SYNJ1: variants seen among roughly 807,000 people sequenced by gnomAD.
SYNJ1 encodes the protein polyphosphatidylinositol phosphatase SYNJ1.
In SYNJ1, 78 loss-of-function variants were observed where a neutral mutation model predicts 168.2. The observed-to-expected ratio is 0.46, with a 90% CI of 0.39 to 0.56. The LOEUF is 0.56. Among genes scored for constraint, SYNJ1 ranks in the 20% least tolerant of loss-of-function variants. The pLI, the probability that SYNJ1 is intolerant of heterozygous loss-of-function variation, is 0.00. For missense variants in SYNJ1, 1,303 were observed against 1,597.6 expected (o/e 0.82, Z 3.14); for synonymous variants, 539 against 548.6 (o/e 0.98, Z 0.24).
At chr21:32,710,156 C>T (rs544391483) in intron 2 of SYNJ1, among the ~76,000 whole-genome samples, 2 of 152,012 alleles carry the variant, frequency 1.3e-5, no homozygotes, top group African/African-American at 4.8e-5. Flanking sequence ...GCCGAGATTA[C>T]ATCATTGTAC....
chr21:32,654,866 C>T (rs1447228030), intron 21 of SYNJ1, among the ~76,000 whole-genome samples: 1 of 152,178 alleles, frequency 6.6e-6, no homozygotes, highest in Non-Finnish European at 1.5e-5. Flanking sequence ...ACAGGGTTTA[C>T]TCACTCCTTA....
At chr21:32,715,260 G>A (rs2042980162) in intron 2 of SYNJ1, among the ~76,000 whole-genome samples, 1 of 152,170 alleles carries the variant, frequency 6.6e-6, no homozygotes, top group Admixed American at 6.6e-5. Context: ...ATCACTTGAT[G>A]TCAGGAGTTC....
In SYNJ1 at chr21:32,684,088, A is replaced by G. The variant is rs1382405019; in HGVS notation, c.1150T>C (p.Leu384=). ...CQSGTVRTNC[L]DCLDRTNSVQ... ...CTATTTGTTCTATCAAGACAATCCA[A>G]GCAGTTTGTTCGAACTGTACCACTC... Residue 384 remains leucine, a synonymous_variant, in exon 10 of 33, where the codon TTG becomes CTG. Coordinates refer to ENST00000674351, the MANE Select transcript of SYNJ1 (RefSeq NM_203446.3). 1 of 1,613,722 alleles carries G rather than the reference A, an allele frequency of 6.2e-7. No individual in the cohort carries two copies. The highest frequency in any genetic ancestry group is 8.5e-7 in the Non-Finnish European group (1 of 1,179,762).
intron 31 of SYNJ1, among the ~76,000 whole-genome samples, chr21:32,637,572 G>A (rs2039633785): frequency 6.6e-6 from 1 of 151,744 alleles, no homozygotes; most frequent in Non-Finnish European, 1.5e-5. Flanking sequence ...CCATGCCTGG[G>A]TAATTTTTGT....
chr21:32,688,831 C>T (rs1433686231), intron 6 of SYNJ1, among the ~76,000 whole-genome samples: 1 of 152,122 alleles, frequency 6.6e-6, no homozygotes, highest in African/African-American at 2.4e-5. Flanking sequence ...ACCTAAATTC[C>T]TACTCCTCCA....
At chr21:32,652,025 T>C (rs1013959670) in intron 22 of SYNJ1, among the ~76,000 whole-genome samples, 1 of 152,230 alleles carries the variant, frequency 6.6e-6, no homozygotes. Context: ...CATATGTATA[T>C]GCTAATATTA....
intron 26 of SYNJ1, among the ~76,000 whole-genome samples, chr21:32,644,467 T>C (rs34565595): frequency 4.7e-4 from 71 of 152,242 alleles, no homozygotes; most frequent in Non-Finnish European, 2.8e-4. Context: ...TCATCTTTTC[T>C]TGAGATTTAG....
At chr21:32,647,994 G>T (rs981420736) in intron 23 of SYNJ1, among the ~76,000 whole-genome samples, 13 of 152,148 alleles carry the variant, frequency 8.5e-5, no homozygotes, top group African/African-American at 3.1e-4. Flanking sequence ...ACTTCACAGA[G>T]AAGAGGGAAG....
chr21:32,680,147 TAAG>T lies in SYNJ1; in HGVS notation c.1353+1346_1354-1347del, dbSNP rs377525628. Among the ~76,000 whole-genome samples the T allele has an allele frequency of 1.6e-4, 25 of 152,266 alleles. No individual in the cohort carries two copies. In the East Asian group the frequency reaches 3.7e-3, roughly 22 times the overall value. On this transcript the variant is annotated intron_variant, in intron 11 of 32. Coordinates refer to ENST00000674351, the MANE Select transcript of SYNJ1 (RefSeq NM_203446.3). ...GATGTTTACAAAAATAGGGACCACT[TAAG>T]AAGTAAATATTTGTAAAAGTCAATA...
chr21:32,679,432 A>G (rs2041539224), intron 11 of SYNJ1, among the ~76,000 whole-genome samples: 1 of 152,184 alleles, frequency 6.6e-6, no homozygotes, highest in Non-Finnish European at 1.5e-5. Flanking sequence ...ATACATCATA[A>G]GATAATAAAC....
chr21:32,642,265 T>G, intron 27 of SYNJ1, 132 bp from the exon 28 acceptor site: 2 of 910,992 alleles, frequency 2.2e-6, no homozygotes, highest in Non-Finnish European at 3.5e-6. Flanking sequence ...ACAAAGCACT[T>G]TGCTTTGTAT....
chr21:32,635,884 A>G (rs1187589303), intron 31 of SYNJ1, among the ~76,000 whole-genome samples: 6 of 152,094 alleles, frequency 3.9e-5, no homozygotes, highest in Non-Finnish European at 8.8e-5. Flanking sequence ...TCTATAATAT[A>G]CCATTATTTT....
At chr21:32,637,366 CATT>C (rs2039616537) in intron 31 of SYNJ1, among the ~76,000 whole-genome samples, 1 of 150,340 alleles carries the variant, frequency 6.7e-6, no homozygotes, top group Admixed American at 6.6e-5. Context: ...AGAGTTCTAC[CATT>C]ATTATATATT....
intron 2 of SYNJ1, among the ~76,000 whole-genome samples, chr21:32,724,927 A>C (rs978357139): frequency 5.3e-5 from 8 of 152,204 alleles, no homozygotes; most frequent in Admixed American, 4.6e-4. Context: ...TCTAATGAAA[A>C]TAGAATAGCT....
At chr21:32,634,619 T>A (rs1421352504) in intron 32 of SYNJ1, among the ~76,000 whole-genome samples, 1 of 152,212 alleles carries the variant, frequency 6.6e-6, no homozygotes, top group Non-Finnish European at 1.5e-5. Flanking sequence ...TTTAGTTTTG[T>A]TAATTTTCAT....
chr21:32,649,746 ATTTGTTTTGT>A (rs201375051), intron 23 of SYNJ1, among the ~76,000 whole-genome samples: 2 of 152,094 alleles, frequency 1.3e-5, no homozygotes, highest in South Asian at 2.1e-4. Flanking sequence ...TGTGAAATAA[ATTTGTTTTGT>A]TTTGTTTTGT....
At chr21:32,705,396 T>C (rs2042571691) in intron 2 of SYNJ1, among the ~76,000 whole-genome samples, 1 of 152,166 alleles carries the variant, frequency 6.6e-6, no homozygotes, top group Non-Finnish European at 1.5e-5. Flanking sequence ...GGAGAAATGG[T>C]TGATTCCAGG....
chr21:32,634,139 G>C (rs1569019714), intron 32 of SYNJ1, among the ~76,000 whole-genome samples: 1 of 152,162 alleles, frequency 6.6e-6, no homozygotes, highest in Non-Finnish European at 1.5e-5. Context: ...GTCACCTGCT[G>C]CATCAGTGCT....
At chr21:32,661,106 G>A (rs1402608326) in intron 18 of SYNJ1, among the ~76,000 whole-genome samples, 1 of 152,236 alleles carries the variant, frequency 6.6e-6, no homozygotes, top group Admixed American at 6.5e-5. Flanking sequence ...GGATGGATCA[G>A]ACTGCCAGAT....
Sources: gnomAD v4.1 joint callset for allele counts (sites outside exome capture counted in the v4.1 genomes callset) on GRCh38, gnomAD v4.1.1 for gene constraint, MANE v1.5 for transcripts, NCBI Gene and HGNC (gene_info 2026-07-23, HGNC 2026-07-21) for gene names.